Variants in TINAG observed in about 807,000 individuals in gnomAD.
TINAG encodes the protein tubulointerstitial nephritis antigen.
A neutral mutation model predicts 72.7 loss-of-function variants in TINAG; 83 were observed. The ratio of observed to expected loss-of-function variants is 1.14; its 90% CI spans 0.96 to 1.37. The LOEUF (loss-of-function observed/expected upper bound fraction) is 1.37, where lower values mean the gene tolerates loss of function less well. Among genes scored for constraint, TINAG ranks in the 40% most tolerant of loss-of-function variants. The probability of loss-of-function intolerance (pLI) is 0.00; values close to 1 mark genes in which losing one functional copy is unlikely to be tolerated. For synonymous variants in TINAG, 234 were observed against 189.9 expected, an observed-to-expected ratio of 1.23 and a Z score of -1.91; for missense variants, 685 against 576.6, an observed-to-expected ratio of 1.19 and a Z score of -1.93.
chr6:54,353,896 C>A (rs986937118), intron 8 of TINAG, among the ~76,000 whole-genome samples: 2 of 151,776 alleles, frequency 1.3e-5, no homozygotes, highest in Admixed American at 1.3e-4. Flanking sequence ...CAAAGCAGCA[C>A]ACAATAGAGA....
chr6:54,380,433 A>C, intron 9 of TINAG, 93 bp from the exon 10 acceptor site: 1 of 1,073,994 alleles, frequency 9.3e-7, no homozygotes. Context: ...GAGAAAGCAC[A>C]AAAGATGTAG....
intron 8 of TINAG, among the ~76,000 whole-genome samples, chr6:54,353,606 ATT>A (rs1425989674): frequency 2.0e-5 from 3 of 151,862 alleles, no homozygotes; most frequent in Non-Finnish European, 4.4e-5. Flanking sequence ...TTTTGCGACT[ATT>A]TGCACAGCAT....
In TINAG at chr6:54,351,402, G is replaced by A; in HGVS notation, c.1126+5G>A. 1 of 1,609,300 alleles carries A rather than the reference G, an allele frequency of 6.2e-7. No homozygotes were observed. The highest frequency in any genetic ancestry group is 8.5e-7 in the Non-Finnish European group (1 of 1,177,094). On this transcript the variant is annotated splice_donor_5th_base_variant and intron_variant, in intron 8 of 10. Transcript: ENST00000259782. ...TGCAAAATGGACCAGTTCAAGGTAA[G>A]CTTGAATGAAATACGGTTTTTTCTT...
intron 10 of TINAG, among the ~76,000 whole-genome samples, chr6:54,382,079 A>C (rs1018074507): frequency 6.6e-6 from 1 of 152,088 alleles, no homozygotes; most frequent in Admixed American, 6.6e-5. Context: ...ATACATGCAC[A>C]CTATCCCTTT....
chr6:54,340,465 G>C (rs1295656733), intron 4 of TINAG, among the ~76,000 whole-genome samples: 1 of 151,222 alleles, frequency 6.6e-6, no homozygotes, highest in African/African-American at 2.4e-5. Flanking sequence ...ATTCCTAACA[G>C]CCATTATTCT....
intron 4 of TINAG, among the ~76,000 whole-genome samples, chr6:54,339,798 C>G (rs990451156): frequency 1.3e-5 from 2 of 152,248 alleles, no homozygotes; most frequent in East Asian, 3.9e-4. Context: ...TGGCCACTGA[C>G]CTTAGATTGT....
intron 9 of TINAG, among the ~76,000 whole-genome samples, chr6:54,373,221 T>C (rs1763684337): frequency 6.6e-6 from 1 of 151,830 alleles, no homozygotes; most frequent in East Asian, 1.9e-4. Flanking sequence ...TTAATATATC[T>C]TGTTCACCAT....
At chr6:54,351,184 A>C (rs1272646810) in intron 7 of TINAG, among the ~76,000 whole-genome samples, 168 bp from the exon 8 acceptor site, 1 of 152,068 alleles carries the variant, frequency 6.6e-6, no homozygotes, top group Non-Finnish European at 1.5e-5. Flanking sequence ...TCATTAAAAC[A>C]AATGGGTGCA....
intron 1 of TINAG, among the ~76,000 whole-genome samples, chr6:54,316,614 T>C (rs1482590008): frequency 1.3e-5 from 2 of 152,196 alleles, no homozygotes; most frequent in Non-Finnish European, 2.9e-5. Context: ...ATATTTATAA[T>C]ACACTGTGGT....
At position 54,308,657 on chromosome 6, in the gene TINAG, C is replaced by G; in HGVS notation, c.107C>G (p.Thr36Ser). ...GAAGTGGACCTAGAGGCTTATTTCACTAGGAATCACACCGTTTTGCAAGGT... is the reference window on the plus strand; with the variant it reads ...GAAGTGGACCTAGAGGCTTATTTCAGTAGGAATCACACCGTTTTGCAAGGT... ...QREVDLEAYFTRNHTVLQGTR... is the reference protein window; with the variant it reads ...QREVDLEAYFSRNHTVLQGTR... The change falls in exon 1 of 11, where the codon ACT becomes AGT. Residue 36 changes from threonine (T) to serine (S), a missense_variant. Coordinates refer to ENST00000259782, the MANE Select transcript of TINAG (RefSeq NM_014464.4). 1 of 1,613,794 alleles carries G rather than the reference C, an allele frequency of 6.2e-7. No individual in the cohort carries two copies. Among genetic ancestry groups the G allele is most frequent in the South Asian group, 1.1e-5 (1 of 91,080 alleles).
At chr6:54,364,106 G>A (rs929460631) in intron 9 of TINAG, among the ~76,000 whole-genome samples, 3 of 151,420 alleles carry the variant, frequency 2.0e-5, no homozygotes, top group Non-Finnish European at 4.4e-5. Flanking sequence ...AGAAATGTGA[G>A]GAAAATTAGA....
intron 10 of TINAG, among the ~76,000 whole-genome samples, chr6:54,384,681 A>G (rs1398505475): frequency 1.3e-5 from 2 of 152,178 alleles, no homozygotes; most frequent in East Asian, 3.8e-4. Context: ...GCACGTTTGG[A>G]CAAAAGCTGA....
chr6:54,354,005 G>A (rs1785330184), intron 8 of TINAG, among the ~76,000 whole-genome samples: 1 of 151,832 alleles, frequency 6.6e-6, no homozygotes, highest in African/African-American at 2.4e-5. Context: ...AGAGCTGGGA[G>A]GATGAAATTC....
intron 5 of TINAG, among the ~76,000 whole-genome samples, chr6:54,346,502 T>G (rs1430059988): frequency 6.6e-6 from 1 of 151,496 alleles, no homozygotes; most frequent in African/African-American, 2.4e-5. Flanking sequence ...TCACATATAA[T>G]CAGTTACATA....
intron 4 of TINAG, among the ~76,000 whole-genome samples, chr6:54,331,763 T>TTA (rs1784747950): frequency 7.3e-6 from 1 of 137,858 alleles, no homozygotes; most frequent in South Asian, 2.3e-4. Context: ...CAGCAAAGTC[T>TTA]TAGGATGTAA....
At chr6:54,316,738 T>C (rs1784381944) in intron 1 of TINAG, among the ~76,000 whole-genome samples, 1 of 152,182 alleles carries the variant, frequency 6.6e-6, no homozygotes, top group Admixed American at 6.6e-5. Context: ...TATTTTAAAA[T>C]AAATTATAGA....
chr6:54,341,974 T>C (rs1466675665), intron 4 of TINAG, among the ~76,000 whole-genome samples: 3 of 152,064 alleles, frequency 2.0e-5, no homozygotes, highest in Non-Finnish European at 4.4e-5. Context: ...GTATATCACA[T>C]AGGAATATTG....
chr6:54,386,175 G>A (rs748372720), intron 10 of TINAG, among the ~76,000 whole-genome samples: 5 of 152,124 alleles, frequency 3.3e-5, no homozygotes, highest in Non-Finnish European at 5.9e-5. Flanking sequence ...ACAGGCGTGA[G>A]CCAGTGAACC....
intron 1 of TINAG, among the ~76,000 whole-genome samples, chr6:54,313,985 T>C (rs1428327289): frequency 6.6e-6 from 1 of 152,008 alleles, no homozygotes; most frequent in Admixed American, 6.6e-5. Flanking sequence ...AAGAAAAGGG[T>C]ATTATAAAGT....
Sources: allele counts gnomAD v4.1 joint callset (sites outside exome capture counted in the v4.1 genomes callset), GRCh38; gene constraint gnomAD v4.1.1; transcripts MANE v1.5; gene names NCBI Gene and HGNC (gene_info 2026-07-23, HGNC 2026-07-21).